GUCY1A2: variants seen among roughly 807,000 people sequenced by gnomAD.
GUCY1A2 encodes the protein guanylate cyclase 1 soluble subunit alpha 2.
In GUCY1A2, 27 loss-of-function variants were observed where a neutral mutation model predicts 63.5. The observed-to-expected ratio is 0.43, with a 90% CI of 0.31 to 0.59. GUCY1A2 has a LOEUF of 0.59. GUCY1A2 is among the 20% of genes least tolerant of loss of function. GUCY1A2 has a pLI of 0.11. For missense variants in GUCY1A2, 768 were observed against 913.3 expected (o/e 0.84, Z 2.05); for synonymous variants, 364 against 343.5 (o/e 1.06, Z -0.66).
intron 5 of GUCY1A2, among the ~76,000 whole-genome samples, chr11:106,782,609 C>G (rs1454340762): frequency 1.3e-5 from 2 of 152,166 alleles, no homozygotes; most frequent in Non-Finnish European, 2.9e-5. Flanking sequence ...TCCTGGGTGA[C>G]AGGGAGGATG....
chr11:106,758,203 C>G (rs927771009), intron 6 of GUCY1A2, among the ~76,000 whole-genome samples: 2 of 152,190 alleles, frequency 1.3e-5, no homozygotes, highest in African/African-American at 4.8e-5. Flanking sequence ...CACCAAGCTC[C>G]AGCATTCCAG....
At chr11:106,961,250 C>G (rs549076380) in intron 3 of GUCY1A2, among the ~76,000 whole-genome samples, 1 of 151,714 alleles carries the variant, frequency 6.6e-6, no homozygotes, top group Non-Finnish European at 1.5e-5. Flanking sequence ...TCTTAGAGAA[C>G]GAAGGCAAGA....
intron 4 of GUCY1A2, among the ~76,000 whole-genome samples, chr11:106,873,697 A>T (rs1206132668): frequency 6.6e-6 from 1 of 151,716 alleles, no homozygotes; most frequent in Non-Finnish European, 1.5e-5. Flanking sequence ...GATTGCAAAA[A>T]TTTTCTCCCA....
intron 7 of GUCY1A2, among the ~76,000 whole-genome samples, chr11:106,702,560 T>C (rs1201691816): frequency 6.6e-6 from 1 of 152,180 alleles, no homozygotes; most frequent in East Asian, 1.9e-4. Context: ...TTCTTAAATA[T>C]AGAAATATCA....
chr11:106,692,570 C>T (rs1252920201), intron 7 of GUCY1A2, among the ~76,000 whole-genome samples: 1 of 152,082 alleles, frequency 6.6e-6, no homozygotes, highest in Non-Finnish European at 1.5e-5. Flanking sequence ...TACATCCTAC[C>T]TTGGGAAAGG....
At chr11:106,697,238 T>C (rs1591234265) in intron 7 of GUCY1A2, among the ~76,000 whole-genome samples, 1 of 152,210 alleles carries the variant, frequency 6.6e-6, no homozygotes, top group Non-Finnish European at 1.5e-5. Flanking sequence ...AGGTGACTAA[T>C]GCATGAGAAT....
intron 6 of GUCY1A2, among the ~76,000 whole-genome samples, chr11:106,727,172 G>A (rs1309475721): frequency 2.0e-5 from 3 of 152,274 alleles, no homozygotes; most frequent in Non-Finnish European, 2.9e-5. Flanking sequence ...TGATATCAAC[G>A]CAAATCTGTT....
intron 7 of GUCY1A2, among the ~76,000 whole-genome samples, chr11:106,695,495 T>C (rs553178910): frequency 5.5e-4 from 84 of 152,256 alleles, no homozygotes; most frequent in African/African-American, 2.0e-3. Context: ...AAGATGAAAA[T>C]AAAAGACATC....
chr11:106,852,064 C>A (rs1859363104), intron 4 of GUCY1A2, among the ~76,000 whole-genome samples: 1 of 151,902 alleles, frequency 6.6e-6, no homozygotes, highest in South Asian at 2.1e-4. Context: ...CAATCTTTCA[C>A]CCCTTTTGTT....
intron 7 of GUCY1A2, among the ~76,000 whole-genome samples, chr11:106,707,131 C>T (rs985950619): frequency 1.3e-5 from 2 of 152,054 alleles, no homozygotes; most frequent in East Asian, 1.9e-4. Context: ...GTATCCACTA[C>T]TTTAATGAGC....
chr11:106,954,101 A>G (rs1469138298), intron 3 of GUCY1A2, among the ~76,000 whole-genome samples: 2 of 151,692 alleles, frequency 1.3e-5, no homozygotes, highest in Non-Finnish European at 2.9e-5. Context: ...TTTAATTGTG[A>G]TGTTAGGGTG....
At chr11:106,883,040 T>G (rs1000839104) in intron 4 of GUCY1A2, among the ~76,000 whole-genome samples, 1 of 152,104 alleles carries the variant, frequency 6.6e-6, no homozygotes, top group African/African-American at 2.4e-5. Flanking sequence ...CGAGCCTGTG[T>G]TTAGAGAAAT....
chr11:107,017,167 A>G (rs181244016), intron 1 of GUCY1A2, among the ~76,000 whole-genome samples: 278 of 152,376 alleles, frequency 1.8e-3, no homozygotes, highest in African/African-American at 6.0e-3. Context: ...TTACTTGAAC[A>G]GAAGGCAACT....
At chr11:107,001,488 A>G (rs900095485) in intron 1 of GUCY1A2, among the ~76,000 whole-genome samples, 2 of 152,190 alleles carry the variant, frequency 1.3e-5, no homozygotes, top group African/African-American at 4.8e-5. Context: ...CTCATGACAC[A>G]GTAAAATTAA....
chr11:106,866,903 T>C (rs914214155), intron 4 of GUCY1A2, among the ~76,000 whole-genome samples: 2 of 151,840 alleles, frequency 1.3e-5, no homozygotes, highest in Non-Finnish European at 2.9e-5. Flanking sequence ...CCTTTTCTAA[T>C]ACAAAAAAAA....
chr11:106,906,948 T>C (rs1860216827), intron 4 of GUCY1A2, among the ~76,000 whole-genome samples: 1 of 152,026 alleles, frequency 6.6e-6, no homozygotes, highest in Admixed American at 6.6e-5. Context: ...GGTTGGGGAC[T>C]AGGGGAGGGA....
intron 6 of GUCY1A2, among the ~76,000 whole-genome samples, chr11:106,722,027 G>A (rs190966392): frequency 8.5e-5 from 13 of 152,262 alleles, no homozygotes; most frequent in African/African-American, 2.4e-5. Flanking sequence ...TATTGAGTAG[G>A]CAATCTTTAA....
intron 6 of GUCY1A2, among the ~76,000 whole-genome samples, chr11:106,714,842 C>T (rs1369366906): frequency 6.6e-6 from 1 of 152,120 alleles, no homozygotes; most frequent in Non-Finnish European, 1.5e-5. Context: ...CCCCAAATAT[C>T]AACAGTGCCA....
chr11:106,752,120 T>C (rs1328609731), intron 6 of GUCY1A2, among the ~76,000 whole-genome samples: 1 of 152,198 alleles, frequency 6.6e-6, no homozygotes, highest in Non-Finnish European at 1.5e-5. Flanking sequence ...AAGGAAGTAA[T>C]TGCTACTAAG....
Sources: gnomAD v4.1 joint callset for allele counts (sites outside exome capture counted in the v4.1 genomes callset) on GRCh38, gnomAD v4.1.1 for gene constraint, MANE v1.5 for transcripts, NCBI Gene and HGNC (gene_info 2026-07-23, HGNC 2026-07-21) for gene names.